The following ARB2A variants were observed in gnomAD, a reference collection of about 807,000 sequenced individuals.
The protein encoded by ARB2A is ARB2 cotranscriptional regulator A, also known as cotranscriptional regulator ARB2A.
chr5:94,106,126 A>C, the ARB2A span, among the ~76,000 whole-genome samples: 3 of 152,104 alleles, frequency 2.0e-5, no homozygotes, highest in African/African-American at 7.2e-5. Flanking sequence ...ACAAAAATTG[A>C]AAAGAAAGAC....
chr5:94,019,589 T>C, the ARB2A span, among the ~76,000 whole-genome samples: 15 of 152,284 alleles, frequency 9.9e-5, no homozygotes, highest in East Asian at 2.7e-3. Flanking sequence ...AGATACCATC[T>C]CACACCAGTT....
chr5:93,904,704 T>C, the ARB2A span, among the ~76,000 whole-genome samples: 4 of 151,792 alleles, frequency 2.6e-5, no homozygotes, highest in Non-Finnish European at 5.9e-5. Flanking sequence ...ATTTACCTTT[T>C]ACCTCAATCC....
chr5:93,640,634 G>A, the ARB2A span, among the ~76,000 whole-genome samples: 38,018 of 148,972 alleles, frequency 0.26, 6,530 homozygotes, highest in African/African-American at 0.48. Flanking sequence ...ATATGTGTGT[G>A]TATATATATA....
chr5:93,994,838 A>G, the ARB2A span, among the ~76,000 whole-genome samples: 1 of 151,974 alleles, frequency 6.6e-6, no homozygotes, highest in African/African-American at 2.4e-5. Flanking sequence ...CCTGAGAGGC[A>G]GAGGTTGCAG....
chr5:93,921,100 C>T, the ARB2A span, among the ~76,000 whole-genome samples: 2 of 147,834 alleles, frequency 1.4e-5, no homozygotes, highest in Non-Finnish European at 3.0e-5. Flanking sequence ...ACATTGAGGG[C>T]TGCAGTTGTG....
At chr5:93,732,227 T>A in the ARB2A span, among the ~76,000 whole-genome samples, 1 of 152,220 alleles carries the variant, frequency 6.6e-6, no homozygotes, top group Admixed American at 6.5e-5. Context: ...TGACAGTTCA[T>A]CTTTCATCTG....
At chr5:93,735,631 G>A in the ARB2A span, 1 of 152,232 alleles carries the variant, frequency 6.6e-6, no homozygotes, top group Non-Finnish European at 1.5e-5. Context: ...GGAAAAGGAG[G>A]AAATGGAGTT....
chr5:93,718,560 G>C, the ARB2A span, among the ~76,000 whole-genome samples: 6 of 152,108 alleles, frequency 3.9e-5, no homozygotes, highest in African/African-American at 1.2e-4. Flanking sequence ...GTATGTTAAA[G>C]TAGACTCTTT....
the ARB2A span, among the ~76,000 whole-genome samples, chr5:93,662,143 A>G: frequency 1.3e-5 from 2 of 152,200 alleles, no homozygotes; most frequent in African/African-American, 4.8e-5. Context: ...AACATTATGA[A>G]GTCTAATTGG....
At chr5:93,959,064 TGGTTAC>T in the ARB2A span, 1 of 771,760 alleles carries the variant, frequency 1.3e-6, no homozygotes. Flanking sequence ...AAGTATTAAA[TGGTTAC>T]TATAGAATTA....
At chr5:93,822,722 ATAG>A in the ARB2A span, among the ~76,000 whole-genome samples, 2 of 152,032 alleles carry the variant, frequency 1.3e-5, no homozygotes, top group African/African-American at 2.4e-5. Context: ...AAAGTACATC[ATAG>A]TAGTGTGCTA....
the ARB2A span, among the ~76,000 whole-genome samples, chr5:93,887,934 C>T: frequency 2.0e-5 from 3 of 151,808 alleles, no homozygotes; most frequent in Non-Finnish European, 4.4e-5. Flanking sequence ...TGTTTTGGCA[C>T]ACAAAAGGTG....
chr5:93,857,377 T>C, the ARB2A span, among the ~76,000 whole-genome samples: 1 of 152,206 alleles, frequency 6.6e-6, no homozygotes, highest in Non-Finnish European at 1.5e-5. Flanking sequence ...GTCTGTGCCC[T>C]GCCCCCAGAG....
the ARB2A span, among the ~76,000 whole-genome samples, chr5:93,678,189 T>C: frequency 6.6e-6 from 1 of 152,334 alleles, no homozygotes; most frequent in Middle Eastern, 3.4e-3. Flanking sequence ...AACTTTTTTA[T>C]ATGGTTCCCA....
chr5:93,708,381 A>C, the ARB2A span, among the ~76,000 whole-genome samples: 3 of 152,152 alleles, frequency 2.0e-5, no homozygotes, highest in African/African-American at 7.2e-5. Context: ...TTCACCTTGA[A>C]GGGTCCCCTA....
the ARB2A span, among the ~76,000 whole-genome samples, chr5:94,011,936 CAAAA>C: frequency 2.7e-4 from 8 of 30,180 alleles, no homozygotes; most frequent in African/African-American, 6.2e-4. Flanking sequence ...AAAGGGTAGA[CAAAA>C]AAAAAAAAAA....
the ARB2A span, among the ~76,000 whole-genome samples, chr5:93,646,341 C>G: frequency 1.3e-5 from 2 of 151,188 alleles, no homozygotes; most frequent in African/African-American, 4.9e-5. Context: ...CTGAGGTCTT[C>G]GGTGAAACCT....
the ARB2A span, chr5:93,776,277 C>T: frequency 6.5e-7 from 1 of 1,538,460 alleles, no homozygotes; most frequent in Non-Finnish European, 8.9e-7. Flanking sequence ...TGTTGAAATA[C>T]AATTTAAGCC....
the ARB2A span, among the ~76,000 whole-genome samples, chr5:93,943,942 G>A: frequency 8.4e-3 from 1,274 of 152,216 alleles, 15 homozygotes; most frequent in African/African-American, 0.03. Context: ...TACGAAAAGA[G>A]ACATGATTTA....
Sources: gnomAD v4.1 joint callset for allele counts (sites outside exome capture counted in the v4.1 genomes callset) on GRCh38, gnomAD v4.1.1 for gene constraint, MANE v1.5 for transcripts, NCBI Gene and HGNC (gene_info 2026-07-23, HGNC 2026-07-21) for gene names.